Variants in PRKD1 observed in about 807,000 individuals in gnomAD.
PRKD1 encodes serine/threonine-protein kinase D1.
Under a neutral mutation model 95.9 loss-of-function variants are expected in PRKD1, and 63 were observed. The observed-to-expected ratio is 0.66, with a 90% CI of 0.54 to 0.81. The LOEUF is 0.81. Among genes scored for constraint, PRKD1 ranks in the 30% least tolerant of loss-of-function variants. PRKD1 has a pLI of 0.00. For synonymous variants in PRKD1, 425 were observed against 423.1 expected (o/e 1.00, Z -0.05); for missense variants, 1,048 against 1,165.3 (o/e 0.90, Z 1.47).
At chr14:29,873,061 CT>C (rs1356099842) in intron 1 of PRKD1, among the ~76,000 whole-genome samples, 1 of 152,018 alleles carries the variant, frequency 6.6e-6, no homozygotes, top group East Asian at 1.9e-4. Context: ...AATTTTGATG[CT>C]GCCTATACTA....
At chr14:29,749,156 A>G (rs530785763) in intron 1 of PRKD1, among the ~76,000 whole-genome samples, 1 of 152,328 alleles carries the variant, frequency 6.6e-6, no homozygotes, top group South Asian at 2.1e-4. Context: ...AGGAGAGGGA[A>G]TAAGCTTTTG....
At chr14:29,683,415 A>C (rs191163092) in intron 2 of PRKD1, among the ~76,000 whole-genome samples, 1 of 152,320 alleles carries the variant, frequency 6.6e-6, no homozygotes, top group East Asian at 1.9e-4. Context: ...GTTCAGCTCA[A>C]GTGCCAGTGG....
intron 2 of PRKD1, among the ~76,000 whole-genome samples, chr14:29,672,884 C>T (rs949308101): frequency 1.3e-5 from 2 of 150,506 alleles, no homozygotes; most frequent in African/African-American, 4.9e-5. Flanking sequence ...TACTCCTTCT[C>T]AGAAAAAAAA....
intron 2 of PRKD1, among the ~76,000 whole-genome samples, chr14:29,724,567 A>G (rs1294506940): frequency 6.6e-6 from 1 of 152,200 alleles, no homozygotes; most frequent in African/African-American, 2.4e-5. Flanking sequence ...CAATAAAGAT[A>G]AAAAAGAGAA....
chr14:29,823,710 G>A (rs1174236369), intron 1 of PRKD1, among the ~76,000 whole-genome samples: 1 of 152,164 alleles, frequency 6.6e-6, no homozygotes, highest in African/African-American at 2.4e-5. Flanking sequence ...GAAACGTTAG[G>A]ATGAGACCAT....
chr14:29,613,798 G>A (rs1426010792), intron 13 of PRKD1, among the ~76,000 whole-genome samples: 5 of 152,084 alleles, frequency 3.3e-5, no homozygotes, highest in Admixed American at 6.6e-5. Context: ...TGGTCTTATC[G>A]CAGGCTTTGT....
chr14:29,648,879 T>C (rs539254725), intron 4 of PRKD1, among the ~76,000 whole-genome samples: 56 of 152,172 alleles, frequency 3.7e-4, no homozygotes, highest in Middle Eastern at 3.4e-3. Context: ...TGGTCTCGAT[T>C]TCCTGACCTC....
chr14:29,923,227 CAAAAAA>C (rs33966435), intron 1 of PRKD1, among the ~76,000 whole-genome samples: 2 of 88,778 alleles, frequency 2.3e-5, no homozygotes, highest in African/African-American at 6.2e-5. Flanking sequence ...GAGATTCTGT[CAAAAAA>C]AAAAAAAAAA....
chr14:29,899,574 G>C (rs899766974), intron 1 of PRKD1, among the ~76,000 whole-genome samples: 5 of 152,160 alleles, frequency 3.3e-5, no homozygotes, highest in African/African-American at 1.2e-4. Flanking sequence ...TTGAACCCAG[G>C]AGGTGGCGGT....
At chr14:29,902,851 A>T (rs927740278) in intron 1 of PRKD1, among the ~76,000 whole-genome samples, 2 of 152,202 alleles carry the variant, frequency 1.3e-5, no homozygotes, top group Non-Finnish European at 1.5e-5. Flanking sequence ...AATAAAAAAA[A>T]AATCATCTAT....
At chr14:29,770,849 G>A (rs573541867) in intron 1 of PRKD1, among the ~76,000 whole-genome samples, 13 of 147,610 alleles carry the variant, frequency 8.8e-5, no homozygotes, top group African/African-American at 2.0e-4. Context: ...GGTGGCACGC[G>A]TCCGTGGGAA....
rs534179588 is a variant in PRKD1, at chr14:29,819,012, G to A, written c.265-93338C>T. On this transcript the variant is annotated intron_variant, in intron 1 of 17. Coordinates refer to ENST00000331968, the MANE Select transcript of PRKD1 (RefSeq NM_002742.3). ...AATTTCTTATTAAAAGGGGGTGGGG[G>A]TACACTGTATTCTTCAAAAAGTCAA... 4.6e-5 allele frequency among the ~76,000 whole-genome samples: 7 copies of A among 152,066 alleles called. No individual in the cohort carries two copies. The East Asian group carries it at 5.8e-4, about 13-fold the overall frequency.
intron 2 of PRKD1, among the ~76,000 whole-genome samples, chr14:29,672,615 C>T (rs1335587890): frequency 1.3e-5 from 2 of 151,974 alleles, no homozygotes; most frequent in Non-Finnish European, 2.9e-5. Flanking sequence ...GACTCATTAG[C>T]ATGACCATGT....
chr14:29,837,513 A>G (rs1164977104), intron 1 of PRKD1, among the ~76,000 whole-genome samples: 1 of 152,210 alleles, frequency 6.6e-6, no homozygotes, highest in Non-Finnish European at 1.5e-5. Context: ...AAAACTCTTG[A>G]GTAACTAAAA....
intron 1 of PRKD1, among the ~76,000 whole-genome samples, chr14:29,812,324 C>T (rs1183585700): frequency 1.3e-5 from 2 of 152,146 alleles, no homozygotes; most frequent in African/African-American, 2.4e-5. Flanking sequence ...ATAACCGGAA[C>T]ACTAAATTGA....
At chr14:29,839,506 G>T in intron 1 of PRKD1, among the ~76,000 whole-genome samples, 1 of 152,134 alleles carries the variant, frequency 6.6e-6, no homozygotes, top group East Asian at 1.9e-4. Flanking sequence ...AGCTGTCAAT[G>T]GATCTACCAT....
At chr14:29,874,141 G>C (rs1460140671) in intron 1 of PRKD1, among the ~76,000 whole-genome samples, 1 of 152,064 alleles carries the variant, frequency 6.6e-6, no homozygotes, top group Non-Finnish European at 1.5e-5. Context: ...CATAATCTCA[G>C]CTTTGAGTTT....
At chr14:29,795,659 A>G (rs2139204764) in intron 1 of PRKD1, among the ~76,000 whole-genome samples, 1 of 152,268 alleles carries the variant, frequency 6.6e-6, no homozygotes, top group Non-Finnish European at 1.5e-5. Context: ...TGACCAACTA[A>G]GAAATAATGA....
Position 29,869,620 on chromosome 14 carries a change from T to C in PRKD1, c.264+57629A>G, listed in dbSNP as rs183558834. Among the ~76,000 whole-genome samples the C allele has an allele frequency of 8.7e-4, 133 of 152,268 alleles. 1 individual carries two copies. The highest frequency in any genetic ancestry group is 3.0e-3 in the African/African-American group (124 of 41,548). The stretch of plus-strand genomic sequence containing the variant: ...AAAGAATTTGACACCACAAGAGAAT[T>C]AGATAAAAGTATAAATATATTTAAA... On this transcript the variant is annotated intron_variant, in intron 1 of 17. Coordinates refer to ENST00000331968, the MANE Select transcript of PRKD1 (RefSeq NM_002742.3).
Sources: gnomAD v4.1 joint callset for allele counts (sites outside exome capture counted in the v4.1 genomes callset) on GRCh38, gnomAD v4.1.1 for gene constraint, MANE v1.5 for transcripts, NCBI Gene and HGNC (gene_info 2026-07-23, HGNC 2026-07-21) for gene names.